Variants in NEXMIF observed in about 807,000 individuals in gnomAD.
The protein encoded by NEXMIF is XLMR protein related to neurite extension.
In NEXMIF, 8 loss-of-function variants were observed where a neutral mutation model predicts 62.1. The observed-to-expected ratio is 0.13, with a 90% confidence interval of 0.08 to 0.23. NEXMIF has a LOEUF of 0.23. Ranked by LOEUF, NEXMIF falls within the 10% of genes least tolerant of loss-of-function variation. The pLI, the probability that NEXMIF is intolerant of heterozygous loss-of-function variation, is 1.00. For missense variants in NEXMIF, 976 were observed against 1,113.3 expected (o/e 0.88, Z 1.75); for synonymous variants, 404 against 416.6 (o/e 0.97, Z 0.37).
chrX:74,739,975 G>A (rs951077379), intron 3 of NEXMIF, 125 bp downstream of exon 3: 1 of 568,757 alleles, frequency 1.8e-6, no homozygotes, highest in Non-Finnish European at 2.7e-6. Context: ...GAAAAAGAAG[G>A]GAATGGGACA....
rs978423413 is a variant in NEXMIF, at chrX:74,752,873, G to T, written c.-47-7176C>A. Among the ~76,000 whole-genome samples the T allele has an allele frequency of 2.7e-5, 3 of 111,557 alleles. No homozygotes were observed. In the Admixed American group the frequency reaches 2.9e-4, roughly 11 times the overall value. On this transcript the variant is annotated intron_variant, in intron 1 of 3. Transcript: ENST00000055682. ...AGAAGAGTATAATCACTGTTTCTCAGGTGGGGTATTTCTTTCTAAAGACAG... is the reference window on the plus strand; with the variant it reads ...AGAAGAGTATAATCACTGTTTCTCATGTGGGGTATTTCTTTCTAAAGACAG...
Position 74,742,191 on chromosome X carries a change from G to A in NEXMIF, c.2366C>T (p.Pro789Leu). The A allele has an allele frequency of 3.3e-6, 4 of 1,211,297 alleles. No homozygotes were observed. Among genetic ancestry groups the A allele is most frequent in the Non-Finnish European group, 4.5e-6 (4 of 895,161 alleles). ...AKAAKSSTFL[P>L]TTCSSEMPLS... ...AGGCATTTCAGAAGAGCATGTCGTT[G>A]GTAGAAAAGTGGAACTCTTAGCAGC... Residue 789 changes from proline (P) to leucine (L), a missense_variant, in exon 3 of 4, where the codon CCA becomes CTA. Coordinates refer to ENST00000055682, the MANE Select transcript of NEXMIF (RefSeq NM_001008537.3).
chrX:74,875,899 G>A (rs970811516), intron 1 of NEXMIF, among the ~76,000 whole-genome samples: 1 of 109,948 alleles, frequency 9.1e-6, no homozygotes, highest in East Asian at 2.8e-4. Context: ...TTCCTTATTA[G>A]TCTTGCTAGT....
rs773022094 is a variant in NEXMIF at position 74,831,135 on chromosome X, C to CT, written c.-47-85439dup. Among the ~76,000 whole-genome samples, 957 of 109,182 alleles carry CT rather than the reference C, an allele frequency of 8.8e-3. 6 individuals are homozygous for CT. Among genetic ancestry groups the CT allele is most frequent in the Non-Finnish European group, 0.015 (760 of 52,210 alleles). The allele number at this position is 109,182 out of a possible 115,157, so 94.8% of individuals were successfully genotyped here. A position where few individuals can be genotyped will look rare whatever the true frequency, so the allele number is the denominator to read the frequency against. On this transcript the variant is annotated intron_variant, in intron 1 of 3. Coordinates refer to ENST00000055682, the MANE Select transcript of NEXMIF (RefSeq NM_001008537.3). ...TTTCCAATCTTGAAGGAAAGACTTT[C>CT]TTTTTTTTTATGCCTTCAACTTTTA...
At chrX:74,847,618 G>A (rs1467727990) in intron 1 of NEXMIF, among the ~76,000 whole-genome samples, 1 of 111,578 alleles carries the variant, frequency 9.0e-6, no homozygotes, top group Non-Finnish European at 1.9e-5. Flanking sequence ...ATTTTCATAT[G>A]TAACTACTGA....
intron 1 of NEXMIF, among the ~76,000 whole-genome samples, chrX:74,790,594 C>A (rs1242812917): frequency 8.8e-6 from 1 of 113,196 alleles, no homozygotes; most frequent in Non-Finnish European, 1.9e-5. Context: ...AATACTGATT[C>A]TTCCTACCCA....
chrX:74,894,022 T>G (rs1409167275), intron 1 of NEXMIF, among the ~76,000 whole-genome samples: 1 of 111,675 alleles, frequency 9.0e-6, no homozygotes, highest in Non-Finnish European at 1.9e-5. Context: ...CAGGCTATGG[T>G]GGCTCACGCT....
At chrX:74,870,915 C>T (rs1461195760) in intron 1 of NEXMIF, among the ~76,000 whole-genome samples, 1 of 111,631 alleles carries the variant, frequency 9.0e-6, no homozygotes, top group East Asian at 2.8e-4. Context: ...TTGTAGGGTC[C>T]TCAAAAAACT....
rs187782549 is a variant in NEXMIF, at chrX:74,919,571, T to C, written c.-48+5312A>G. Reference sequence around the variant, plus strand: ...TGGTCACTCTACTTATAGTCCTCCATAGAGGAAATGTTTTAACTTCCCCTA... The same window carrying C: ...TGGTCACTCTACTTATAGTCCTCCACAGAGGAAATGTTTTAACTTCCCCTA... On this transcript the variant is annotated intron_variant, in intron 1 of 3. Coordinates refer to ENST00000055682, the MANE Select transcript of NEXMIF (RefSeq NM_001008537.3). Among the ~76,000 whole-genome samples the C allele has an allele frequency of 6.5e-4, 72 of 111,530 alleles. 2 individuals are homozygous for C. Among genetic ancestry groups the C allele is most frequent in the Non-Finnish European group, 1.1e-3 (59 of 53,044 alleles).
intron 1 of NEXMIF, among the ~76,000 whole-genome samples, chrX:74,826,932 C>T (rs147757557): frequency 0.016 from 1,818 of 111,554 alleles, 33 homozygotes; most frequent in Admixed American, 0.072. Flanking sequence ...AATCCCTCTC[C>T]AAATATGGTA....
At chrX:74,824,274 C>T (rs2080407297) in intron 1 of NEXMIF, among the ~76,000 whole-genome samples, 1 of 111,694 alleles carries the variant, frequency 9.0e-6, no homozygotes, top group African/African-American at 3.3e-5. Flanking sequence ...TATCATCTCC[C>T]CATTCCCCAC....
chrX:74,850,553 A>G (rs1329512956), intron 1 of NEXMIF, among the ~76,000 whole-genome samples: 3 of 112,025 alleles, frequency 2.7e-5, no homozygotes, highest in Non-Finnish European at 5.6e-5. Flanking sequence ...AAGCTTCACC[A>G]CAGCCTTCAC....
rs979253871 is a variant in NEXMIF, at chrX:74,794,747, C to T, written c.-47-49050G>A. On this transcript the variant is annotated intron_variant, in intron 1 of 3. Coordinates refer to ENST00000055682, the MANE Select transcript of NEXMIF (RefSeq NM_001008537.3). ...GGGAGTGGCCCGATTTTCCAGGTGCCGTCCGTCACCCCTTTCTTTGACTCG... is the reference window on the plus strand; with the variant it reads ...GGGAGTGGCCCGATTTTCCAGGTGCTGTCCGTCACCCCTTTCTTTGACTCG... 6.3e-5 allele frequency among the ~76,000 whole-genome samples: 7 copies of T among 111,377 alleles called. No homozygotes were observed. The South Asian group carries it at 1.5e-3, about 24-fold the overall frequency.
In NEXMIF at chrX:74,853,008, G is replaced by GT. The variant is rs372878432; in HGVS notation, c.-48+71874dup. ...TTACAAAGCATCAACAAAATGAAAAGTTTTTTTTCAAAAAAAGATAAAATT... is the reference window on the plus strand; with the variant it reads ...TTACAAAGCATCAACAAAATGAAAAGTTTTTTTTTCAAAAAAAGATAAAATT... On this transcript the variant is annotated intron_variant, in intron 1 of 3. Coordinates refer to ENST00000055682, the MANE Select transcript of NEXMIF (RefSeq NM_001008537.3). Among the ~76,000 whole-genome samples, 628 of 110,503 alleles carry GT rather than the reference G, an allele frequency of 5.7e-3. 3 individuals carry two copies. Among genetic ancestry groups the GT allele is most frequent in the African/African-American group, 0.02 (600 of 30,425 alleles).
At chrX:74,812,137 T>C (rs2080362419) in intron 1 of NEXMIF, among the ~76,000 whole-genome samples, 1 of 112,705 alleles carries the variant, frequency 8.9e-6, no homozygotes, top group South Asian at 3.6e-4. Context: ...GAAATAGAGT[T>C]TCATGCTATC....
chrX:74,766,269 A>G (rs1180120035), intron 1 of NEXMIF, among the ~76,000 whole-genome samples: 8 of 110,876 alleles, frequency 7.2e-5, no homozygotes, highest in African/African-American at 2.6e-4. Context: ...CCCAAATTTG[A>G]CTGTTGGCAT....
chrX:74,882,526 C>T (rs958145178), intron 1 of NEXMIF, among the ~76,000 whole-genome samples: 22 of 109,095 alleles, frequency 2.0e-4, no homozygotes, highest in African/African-American at 4.4e-4. Context: ...GAGGGTCCTA[C>T]GCCCACGGAG....
At chrX:74,830,269 G>T (rs935148727) in intron 1 of NEXMIF, among the ~76,000 whole-genome samples, 2 of 111,845 alleles carry the variant, frequency 1.8e-5, no homozygotes, top group African/African-American at 6.5e-5. Flanking sequence ...TCTGCATATG[G>T]ATATCCAGTT....
At chrX:74,899,987 A>G (rs1014630319) in intron 1 of NEXMIF, among the ~76,000 whole-genome samples, 1 of 111,948 alleles carries the variant, frequency 8.9e-6, no homozygotes, top group Non-Finnish European at 1.9e-5. Context: ...CTATAACTCA[A>G]TAACAAAAAA....
Sources: gnomAD v4.1 joint callset for allele counts (sites outside exome capture counted in the v4.1 genomes callset) on GRCh38, gnomAD v4.1.1 for gene constraint, MANE v1.5 for transcripts, NCBI Gene and HGNC (gene_info 2026-07-23, HGNC 2026-07-21) for gene names.